CNTNAP2: variants seen among roughly 807,000 people sequenced by gnomAD.
The protein encoded by CNTNAP2 is contactin-associated protein-like 2.
A neutral mutation model predicts 155.2 loss-of-function variants in CNTNAP2; 98 were observed. The ratio of observed to expected loss-of-function variants is 0.63; its 90% CI spans 0.54 to 0.75. The LOEUF is 0.75. Ranked by LOEUF, CNTNAP2 falls within the 30% of genes least tolerant of loss-of-function variation. The pLI is 0.00. For synonymous variants in CNTNAP2, 651 were observed against 631.2 expected (o/e 1.03, Z -0.47); for missense variants, 1,727 against 1,688.1 (o/e 1.02, Z -0.40).
chr7:147,649,676 G>A (rs28564660), intron 13 of CNTNAP2, among the ~76,000 whole-genome samples: 3,180 of 151,958 alleles, frequency 0.021, 115 homozygotes, highest in African/African-American at 0.073. Flanking sequence ...AGACCATAAA[G>A]CCAAGTTTTT....
chr7:147,440,466 T>G (rs994882315), intron 10 of CNTNAP2, among the ~76,000 whole-genome samples: 4 of 152,140 alleles, frequency 2.6e-5, no homozygotes, highest in Non-Finnish European at 5.9e-5. Flanking sequence ...TTTGATTGGT[T>G]TATCATTTAG....
At chr7:146,456,620 A>T (rs1397555477) in intron 1 of CNTNAP2, among the ~76,000 whole-genome samples, 1 of 152,118 alleles carries the variant, frequency 6.6e-6, no homozygotes, top group African/African-American at 2.4e-5. Context: ...TGGAGTTTTA[A>T]TTTTTAATTA....
At chr7:148,070,434 T>A (rs1018142965) in intron 15 of CNTNAP2, among the ~76,000 whole-genome samples, 1 of 152,370 alleles carries the variant, frequency 6.6e-6, no homozygotes, top group African/African-American at 2.4e-5. Flanking sequence ...AAAACAGTTT[T>A]GGGCTGGGCA....
chr7:147,258,360 A>T (rs989638829), intron 8 of CNTNAP2, among the ~76,000 whole-genome samples: 1 of 152,192 alleles, frequency 6.6e-6, no homozygotes. Flanking sequence ...CATTAGGAGC[A>T]TTCAATATCT....
At chr7:147,473,970 T>G (rs1329020934) in intron 10 of CNTNAP2, among the ~76,000 whole-genome samples, 1 of 151,746 alleles carries the variant, frequency 6.6e-6, no homozygotes, top group African/African-American at 2.4e-5. Flanking sequence ...TCCCAGCTAC[T>G]AGGGAGGCTG....
chr7:146,489,461 CTAAG>C, intron 1 of CNTNAP2, among the ~76,000 whole-genome samples: 1 of 152,208 alleles, frequency 6.6e-6, no homozygotes, highest in East Asian at 1.9e-4. Flanking sequence ...TAAAATATAA[CTAAG>C]TTTTACATTA....
In CNTNAP2 at chr7:147,903,553, C is replaced by T; in HGVS notation, c.2099-12C>T. On this transcript the variant is annotated splice_polypyrimidine_tract_variant and intron_variant, in intron 13 of 23. Transcript: ENST00000361727. ...GGTCTGTTTCTAAATATACCTTTGC[C>T]TTTTCTTGTAGATGGAAGCCCTTAC... 6.2e-7 allele frequency: 1 copy of T among 1,614,092 alleles called. No individual in the cohort carries two copies.
intron 1 of CNTNAP2, among the ~76,000 whole-genome samples, chr7:146,621,492 A>T (rs1216669444): frequency 6.6e-6 from 1 of 152,160 alleles, no homozygotes; most frequent in Non-Finnish European, 1.5e-5. Context: ...ACTGTTTCTC[A>T]GACTTTACTT....
At chr7:148,225,459 G>A (rs1795827837) in intron 19 of CNTNAP2, among the ~76,000 whole-genome samples, 1 of 152,174 alleles carries the variant, frequency 6.6e-6, no homozygotes, top group Non-Finnish European at 1.5e-5. Flanking sequence ...AAGCCAATGT[G>A]GATGGTGAGG....
chr7:147,418,776 A>C (rs1797241498), intron 10 of CNTNAP2, among the ~76,000 whole-genome samples: 1 of 152,214 alleles, frequency 6.6e-6, no homozygotes, highest in Admixed American at 6.5e-5. Context: ...TTTCTCTATA[A>C]AAGAAAGTGG....
At chr7:146,947,578 T>TATATATATATATATATATGTATAC (rs1797214875) in intron 3 of CNTNAP2, among the ~76,000 whole-genome samples, 2 of 65,894 alleles carry the variant, frequency 3.0e-5, no homozygotes, top group Non-Finnish European at 6.7e-5. Context: ...TATATATACA[T>TATATATATATATATATATGTATAC]ATATATATAT....
chr7:146,291,073 C>A (rs1289403092), intron 1 of CNTNAP2, among the ~76,000 whole-genome samples: 1 of 152,104 alleles, frequency 6.6e-6, no homozygotes, highest in Non-Finnish European at 1.5e-5. Flanking sequence ...TCAGTTACAT[C>A]AATTTGAATC....
At chr7:148,121,651 G>C (rs551270500) in intron 16 of CNTNAP2, among the ~76,000 whole-genome samples, 1 of 152,266 alleles carries the variant, frequency 6.6e-6, no homozygotes, top group South Asian at 2.1e-4. Context: ...TTTCCAGAAT[G>C]ACAGTTCTGT....
chr7:148,160,410 T>TAA (rs532581576), intron 17 of CNTNAP2, among the ~76,000 whole-genome samples: 4 of 133,496 alleles, frequency 3.0e-5, no homozygotes, highest in African/African-American at 1.1e-4. Context: ...ACCCTAACTC[T>TAA]AAAAAAAAAA....
chr7:147,218,321 G>GT (rs1322007241), intron 8 of CNTNAP2, among the ~76,000 whole-genome samples: 1 of 151,352 alleles, frequency 6.6e-6, no homozygotes, highest in East Asian at 1.9e-4. Context: ...TCCAACAAAT[G>GT]TTAATAAATT....
intron 11 of CNTNAP2, among the ~76,000 whole-genome samples, chr7:147,491,696 C>A (rs1413511959): frequency 6.6e-6 from 1 of 152,128 alleles, no homozygotes; most frequent in African/African-American, 2.4e-5. Context: ...ACAGTGTTTT[C>A]TTTAAATTTT....
chr7:147,839,314 T>A (rs985652459), intron 13 of CNTNAP2, among the ~76,000 whole-genome samples: 1 of 152,104 alleles, frequency 6.6e-6, no homozygotes, highest in Non-Finnish European at 1.5e-5. Context: ...CCAATCAAGT[T>A]GACACTCAGT....
chr7:146,984,094 G>A (rs893673916), intron 3 of CNTNAP2, among the ~76,000 whole-genome samples: 5 of 151,888 alleles, frequency 3.3e-5, no homozygotes, highest in Non-Finnish European at 7.4e-5. Flanking sequence ...CTGGCCAGGC[G>A]CGGTGGCTCA....
At chr7:148,181,165 T>C (rs1370741384) in intron 18 of CNTNAP2, among the ~76,000 whole-genome samples, 2 of 152,144 alleles carry the variant, frequency 1.3e-5, no homozygotes, top group South Asian at 2.1e-4. Context: ...ACACCACTGG[T>C]ACCCCAGGGT....
Sources: allele counts gnomAD v4.1 joint callset (sites outside exome capture counted in the v4.1 genomes callset), GRCh38; gene constraint gnomAD v4.1.1; transcripts MANE v1.5; gene names NCBI Gene and HGNC (gene_info 2026-07-23, HGNC 2026-07-21).